The following MRPS27 variants were observed in gnomAD, a reference collection of about 807,000 sequenced individuals.
MRPS27 encodes the protein small ribosomal subunit protein mS27.
In MRPS27, 43 loss-of-function variants were observed where a neutral mutation model predicts 48.9. That is an observed-to-expected ratio of 0.88 (90% CI 0.69 to 1.13). The LOEUF (loss-of-function observed/expected upper bound fraction) is 1.13. MRPS27 is among the 50% of genes most tolerant of loss of function. The pLI, the probability that MRPS27 is intolerant of heterozygous loss-of-function variation, is 0.00. For missense variants in MRPS27, 467 were observed against 476.3 expected (o/e 0.98, Z 0.18); for synonymous variants, 188 against 171.9 (o/e 1.09, Z -0.73).
At chr5:72,311,693 C>T (rs185567023) in intron 2 of MRPS27, among the ~76,000 whole-genome samples, 1 of 152,266 alleles carries the variant, frequency 6.6e-6, no homozygotes, top group African/African-American at 2.4e-5. Context: ...CAGATGCCAC[C>T]CCTCAACGCT....
intron 4 of MRPS27, among the ~76,000 whole-genome samples, chr5:72,276,864 T>A (rs975825108): frequency 2.6e-5 from 4 of 152,040 alleles, no homozygotes; most frequent in African/African-American, 9.7e-5. Context: ...ACCCCATCTC[T>A]ACTAAAAATA....
At chr5:72,261,454 T>C (rs1287830194) in intron 4 of MRPS27, among the ~76,000 whole-genome samples, 1 of 151,950 alleles carries the variant, frequency 6.6e-6, no homozygotes, top group Non-Finnish European at 1.5e-5. Flanking sequence ...TTTACCATGT[T>C]GGCCAGGCTG....
intron 3 of MRPS27, 148 bp from the exon 4 acceptor site, chr5:72,295,737 G>A (rs1749961215): frequency 1.6e-6 from 1 of 616,902 alleles, no homozygotes; most frequent in Non-Finnish European, 2.9e-6. Context: ...TGTTCACGTG[G>A]TATGGCTCCA....
chr5:72,251,627 C>T (rs889518655), intron 4 of MRPS27, among the ~76,000 whole-genome samples: 4 of 152,176 alleles, frequency 2.6e-5, no homozygotes, highest in Non-Finnish European at 5.9e-5. Flanking sequence ...TCAGTGCCCA[C>T]TAGCCTCTGG....
At chr5:72,231,395 A>G (rs1194748376) in intron 7 of MRPS27, among the ~76,000 whole-genome samples, 1 of 152,174 alleles carries the variant, frequency 6.6e-6, no homozygotes, top group Non-Finnish European at 1.5e-5. Context: ...AGTTTAAAAT[A>G]CAGAGAAAAC....
At position 72,234,174 on chromosome 5, in the gene MRPS27, A is replaced by T. The variant is rs1215678558; in HGVS notation, c.420T>A (p.Asp140Glu). ...CCATCAGTAAATTGAATGTAAAGTTATCTGGAAAAATTCCATATTGAACCT... is the reference window on the plus strand; with the variant it reads ...CCATCAGTAAATTGAATGTAAAGTTTTCTGGAAAAATTCCATATTGAACCT... ...VNKVQYGIFP[D>E]NFTFNLLMDS... is the part of the protein sequence containing the mutation. The change falls in exon 6 of 11, where the codon GAT (aspartate) becomes GAA (glutamate). Residue 140 changes from aspartate (D) to glutamate (E), a missense_variant. By Grantham distance (45) the Asp-to-Glu change is conservative. Transcript: ENST00000261413. The T allele has an allele frequency of 1.3e-6, 2 of 1,508,002 alleles. No individual in the cohort carries two copies. Among genetic ancestry groups the T allele is most frequent in the Non-Finnish European group, 1.8e-6 (2 of 1,132,878 alleles). The allele number at this position is 1,508,002 out of a possible 1,614,324, so 93.4% of individuals were successfully genotyped here. A position where few individuals can be genotyped will look rare whatever the true frequency, so the allele number is the denominator to read the frequency against.
In MRPS27 at chr5:72,219,854, G is replaced by A. The variant is rs1747692574; in HGVS notation, c.*1055C>T. 2 of 152,190 alleles carry A rather than the reference G, an allele frequency of 1.3e-5. No individual in the cohort carries two copies. The highest frequency in any genetic ancestry group is 2.9e-5 in the Non-Finnish European group (2 of 68,010). The allele number at this position is 152,190 out of a possible 1,614,324, so 9.4% of individuals were successfully genotyped here. On this transcript the variant is annotated 3_prime_UTR_variant, in exon 11 of 11. Coordinates refer to ENST00000261413, the MANE Select transcript of MRPS27 (RefSeq NM_015084.3). Reference sequence around the variant, plus strand: ...ACCTACTTGATAAATGAGCTGAGACGATGTTTTGGGAAAAAAAAAATTGGA... The same window carrying A: ...ACCTACTTGATAAATGAGCTGAGACAATGTTTTGGGAAAAAAAAAATTGGA...
At chr5:72,221,265 C>T (rs1426121892) in intron 10 of MRPS27, 117 bp from the exon 11 acceptor site, 3 of 1,274,968 alleles carry the variant, frequency 2.4e-6, no homozygotes, top group Admixed American at 2.2e-5. Context: ...TTTGCTGACT[C>T]GTAGTTTAGT....
intron 7 of MRPS27, chr5:72,228,635 T>C (rs1220205328): frequency 3.3e-6 from 1 of 303,958 alleles, no homozygotes; most frequent in Non-Finnish European, 6.0e-6. Flanking sequence ...GTATATCTTA[T>C]TATTTTCCAA....
chr5:72,283,953 C>A (rs1749597819), intron 4 of MRPS27, among the ~76,000 whole-genome samples: 1 of 152,116 alleles, frequency 6.6e-6, no homozygotes, highest in African/African-American at 2.4e-5. Context: ...CCACTGTCTA[C>A]TACCACAGGA....
chr5:72,295,573 G>GA lies in MRPS27; in HGVS notation c.238dup (p.Ser80PhefsTer35). On this transcript the variant is annotated frameshift_variant, in exon 4 of 11. Transcript: ENST00000261413. LOFTEE classifies it high-confidence loss of function. ...TGCATGATCTATCTCTTCCCGAGAG[G>GA]AAATGTTGTCTATAAGCTAAAAGAC... 1.2e-6 allele frequency: 2 copies of GA among 1,610,300 alleles called. No homozygotes were observed. Among genetic ancestry groups the GA allele is most frequent in the Non-Finnish European group, 1.7e-6 (2 of 1,176,732 alleles).
intron 4 of MRPS27, among the ~76,000 whole-genome samples, chr5:72,272,092 C>T (rs1026740305): frequency 6.6e-6 from 1 of 152,194 alleles, no homozygotes; most frequent in Non-Finnish European, 1.5e-5. Flanking sequence ...CCCCCCATCT[C>T]CTGCCACATT....
At chr5:72,295,783 A>C (rs1338799649) in intron 3 of MRPS27, among the ~76,000 whole-genome samples, 194 bp from the exon 4 acceptor site, 1 of 152,212 alleles carries the variant, frequency 6.6e-6, no homozygotes, top group Non-Finnish European at 1.5e-5. Context: ...CAAACAAAGA[A>C]TATACAATGG....
At chr5:72,227,237 C>T (rs1268343836) in intron 8 of MRPS27, 1 of 152,192 alleles carries the variant, frequency 6.6e-6, no homozygotes, top group East Asian at 1.9e-4. Context: ...CCTGTCACTT[C>T]TGACCAATTC....
intron 1 of MRPS27, among the ~76,000 whole-genome samples, chr5:72,318,717 C>T (rs1257708144): frequency 6.6e-6 from 1 of 151,660 alleles, no homozygotes; most frequent in African/African-American, 2.4e-5. Context: ...TCACTTGAAC[C>T]CGGGAGGCAG....
At chr5:72,238,724 T>C (rs933852777) in intron 4 of MRPS27, among the ~76,000 whole-genome samples, 4 of 152,200 alleles carry the variant, frequency 2.6e-5, no homozygotes, top group African/African-American at 9.6e-5. Context: ...CCATTGTAGC[T>C]CATCAGTTTA....
At chr5:72,286,570 C>T (rs1335317559) in intron 4 of MRPS27, among the ~76,000 whole-genome samples, 7 of 140,940 alleles carry the variant, frequency 5.0e-5, no homozygotes, top group African/African-American at 1.7e-4. Context: ...TTATAACATA[C>T]ACACAAAAAA....
intron 4 of MRPS27, among the ~76,000 whole-genome samples, chr5:72,293,518 C>A (rs536528811): frequency 6.6e-6 from 1 of 152,082 alleles, no homozygotes; most frequent in Non-Finnish European, 1.5e-5. Context: ...TTCAGTTATA[C>A]CCCAGGCCAC....
At chr5:72,263,654 T>C (rs1749038640) in intron 4 of MRPS27, among the ~76,000 whole-genome samples, 1 of 151,654 alleles carries the variant, frequency 6.6e-6, no homozygotes, top group African/African-American at 2.4e-5. Context: ...CCTGAAAAGG[T>C]ACTCAACATC....
Sources: allele counts gnomAD v4.1 joint callset (sites outside exome capture counted in the v4.1 genomes callset), GRCh38; gene constraint gnomAD v4.1.1; transcripts MANE v1.5; gene names NCBI Gene and HGNC (gene_info 2026-07-23, HGNC 2026-07-21).